LPA: variants seen among roughly 807,000 people sequenced by gnomAD.
The protein encoded by LPA is lipoprotein(a), also known as apolipoprotein(a).
A neutral mutation model predicts 197.9 loss-of-function variants in LPA; 199 were observed. The ratio of observed to expected loss-of-function variants is 1.01; its 90% CI spans 0.90 to 1.13. The LOEUF is 1.13. Ranked by LOEUF, LPA falls within the 50% of genes most tolerant of loss-of-function variation. The pLI is 0.00. For missense variants in LPA, 1,853 were observed against 1,785.8 expected, an observed-to-expected ratio of 1.04 and a Z score of -0.68; for synonymous variants, 715 against 639.5, an observed-to-expected ratio of 1.12 and a Z score of -1.78.
At chr6:160,545,743 CT>C (rs1778058663) in intron 32 of LPA, among the ~76,000 whole-genome samples, 1 of 152,126 alleles carries the variant, frequency 6.6e-6, no homozygotes, top group South Asian at 2.1e-4. Flanking sequence ...AGGCCACACC[CT>C]TAACCAGGGT....
chr6:160,554,200 AATTATCATAT>A (rs1485994377), intron 30 of LPA, among the ~76,000 whole-genome samples: 1 of 152,088 alleles, frequency 6.6e-6, no homozygotes, highest in Non-Finnish European at 1.5e-5. Flanking sequence ...CTTTGAACAC[AATTATCATAT>A]ATACAGTTTT....
intron 25 of LPA, among the ~76,000 whole-genome samples, chr6:160,585,957 G>C (rs1345272084): frequency 6.6e-6 from 1 of 152,116 alleles, no homozygotes; most frequent in Non-Finnish European, 1.5e-5. Flanking sequence ...TAAACAATTT[G>C]GTGGCTATGT....
intron 18 of LPA, 98 bp from the exon 19 acceptor site, chr6:160,601,196 A>C (rs1293932768): frequency 1.9e-6 from 2 of 1,037,770 alleles, no homozygotes; most frequent in Non-Finnish European, 3.0e-6. Flanking sequence ...TGCCTTTGAA[A>C]TATTCCCAAA....
chr6:160,659,627 T>C (rs1219161714), intron 1 of LPA, among the ~76,000 whole-genome samples: 1 of 152,216 alleles, frequency 6.6e-6, no homozygotes, highest in African/African-American at 2.4e-5. Flanking sequence ...GTGGTACTGC[T>C]GCAGCTGAAA....
chr6:160,650,746 G>C (rs896022441), intron 1 of LPA, among the ~76,000 whole-genome samples: 3 of 152,128 alleles, frequency 2.0e-5, no homozygotes, highest in Non-Finnish European at 4.4e-5. Flanking sequence ...CTTCTCACCA[G>C]AAACTATGCT....
At chr6:160,600,468 A>G (rs1170822502) in intron 19 of LPA, among the ~76,000 whole-genome samples, 1 of 152,106 alleles carries the variant, frequency 6.6e-6, no homozygotes, top group Non-Finnish European at 1.5e-5. Context: ...ATATGGAATT[A>G]ATGCAACCCA....
chr6:160,605,425 T>A (rs1481650960), intron 17 of LPA, among the ~76,000 whole-genome samples: 1 of 152,204 alleles, frequency 6.6e-6, no homozygotes, highest in Admixed American at 6.5e-5. Context: ...TCCTAACACT[T>A]TAGAACTGTA....
chr6:160,604,924 T>G, intron 18 of LPA, 122 bp downstream of exon 18: 1 of 1,449,172 alleles, frequency 6.9e-7, no homozygotes, highest in Non-Finnish European at 9.6e-7. Context: ...TCCTGAGACA[T>G]TTTGCTATGC....
At position 160,597,826 on chromosome 6, in the gene LPA, T is replaced by C. The variant is rs576483442; in HGVS notation, c.3287+1674A>G. ...CTGGTTATGGTTCACACTAAATGCTTTTTTATGTGTAGTAAAGTTATAAAT... is the reference window on the plus strand; with the variant it reads ...CTGGTTATGGTTCACACTAAATGCTCTTTTATGTGTAGTAAAGTTATAAAT... On this transcript the variant is annotated intron_variant, in intron 20 of 38. Transcript: ENST00000316300. Among the ~76,000 whole-genome samples the C allele has an allele frequency of 4.6e-5, 7 of 152,324 alleles. No homozygotes were observed. In the East Asian group the frequency reaches 9.6e-4, roughly 21 times the overall value.
rs773520355 is a variant in LPA at position 160,605,066 on chromosome 6, G to T, written c.2925C>A (p.Thr975=). The part of the protein sequence containing the change: ...SSMTPHSHSR[T]PAYYPNAGLI... ...CATACGCATTTGGGTAGTATGCTGG[G>T]GTCCGACTATGCGAGTGTGGTGTCA... is the stretch of plus-strand genomic sequence containing the variant. Residue 975 remains threonine (T), a synonymous_variant, in exon 18 of 39, where the codon ACC becomes ACA. Coordinates refer to ENST00000316300, the MANE Select transcript of LPA (RefSeq NM_005577.4). 31 of 1,613,678 alleles carry T rather than the reference G, an allele frequency of 1.9e-5. No individual in the cohort carries two copies. The African/African-American group carries it at 3.7e-4, about 19-fold the overall frequency.
chr6:160,635,006 A>C, intron 7 of LPA, 117 bp downstream of exon 7: 1 of 1,507,966 alleles, frequency 6.6e-7, no homozygotes, highest in Non-Finnish European at 9.1e-7. Flanking sequence ...AACATGGCAG[A>C]ACTCCGGCAA....
intron 2 of LPA, among the ~76,000 whole-genome samples, chr6:160,649,974 G>A (rs1046735824): frequency 6.6e-6 from 1 of 152,260 alleles, no homozygotes; most frequent in African/African-American, 2.4e-5. Context: ...AGACAGAAAA[G>A]GCCAACACAA....
At chr6:160,599,690 T>C in intron 19 of LPA, 31 bp from the exon 20 acceptor site, 1 of 1,613,420 alleles carries the variant, frequency 6.2e-7, no homozygotes, top group Non-Finnish European at 8.5e-7. Flanking sequence ...ATCAAGCTTA[T>C]TATTTCCTAG....
intron 28 of LPA, among the ~76,000 whole-genome samples, chr6:160,574,037 T>C (rs946311108): frequency 6.6e-6 from 1 of 152,106 alleles, no homozygotes; most frequent in Admixed American, 6.6e-5. Context: ...ACTAGGCGTG[T>C]CTGAGCTCAG....
At chr6:160,609,585 G>A (rs1051342675) in intron 16 of LPA, among the ~76,000 whole-genome samples, 2 of 151,638 alleles carry the variant, frequency 1.3e-5, no homozygotes, top group African/African-American at 4.9e-5. Context: ...TTTTTCTAAC[G>A]TTCTTCATAA....
chr6:160,595,970 T>C lies in LPA; in HGVS notation c.3288-435A>G, dbSNP rs545339557. ...GAGATTGATTTTGAAGTGTGTCTTG[T>C]AGATTGTTTTATGCACATACAAATA... On this transcript the variant is annotated intron_variant, in intron 20 of 38. Transcript: ENST00000316300. Among the ~76,000 whole-genome samples the C allele has an allele frequency of 4.6e-5, 7 of 152,326 alleles. No homozygotes were observed. In the East Asian group the frequency reaches 9.6e-4, roughly 21 times the overall value.
At chr6:160,658,967 A>G (rs576829527) in intron 1 of LPA, among the ~76,000 whole-genome samples, 175 of 152,054 alleles carry the variant, frequency 1.2e-3, no homozygotes, top group Non-Finnish European at 1.8e-3. Flanking sequence ...ATAGATATAG[A>G]TATACTCACA....
chr6:160,661,961 T>C (rs896752191), intron 1 of LPA, among the ~76,000 whole-genome samples: 1 of 152,218 alleles, frequency 6.6e-6, no homozygotes, highest in Non-Finnish European at 1.5e-5. Flanking sequence ...AGAGGAAACT[T>C]CCATTTATTT....
rs764114914 is a variant in LPA at position 160,664,146 on chromosome 6, T to C, written c.49+20A>G. The C allele has an allele frequency of 4.4e-6, 7 of 1,588,534 alleles. No individual in the cohort carries two copies. The highest frequency in any genetic ancestry group is 3.4e-5 in the South Asian group (3 of 88,544). On this transcript the variant is annotated intron_variant, in intron 1 of 38. Transcript: ENST00000316300. Reference sequence around the variant, plus strand: ...TGGGAGAAAAAATAATTCTTATAATTTAAAAAAACTATGTCTTACCTGATT... The same window carrying C: ...TGGGAGAAAAAATAATTCTTATAATCTAAAAAAACTATGTCTTACCTGATT...
Sources: gnomAD v4.1 joint callset for allele counts (sites outside exome capture counted in the v4.1 genomes callset) on GRCh38, gnomAD v4.1.1 for gene constraint, MANE v1.5 for transcripts, NCBI Gene and HGNC (gene_info 2026-07-23, HGNC 2026-07-21) for gene names.